XYLT1: variants seen among roughly 807,000 people sequenced by gnomAD.
The protein encoded by XYLT1 is beta-D-xylosyltransferase 1.
XYLT1 carries 36 observed loss-of-function variants against 91.3 expected under a neutral mutation model. The ratio of observed to expected loss-of-function variants is 0.39; its 90% CI spans 0.30 to 0.52. XYLT1 has a LOEUF of 0.52. Among genes scored for constraint, XYLT1 ranks in the 20% least tolerant of loss-of-function variants. The pLI is 0.68. For synonymous variants in XYLT1, 588 were observed against 532.0 expected (o/e 1.11, Z -1.45); for missense variants, 1,242 against 1,284.5 (o/e 0.97, Z 0.51).
chr16:17,149,518 A>G (rs150600064), intron 6 of XYLT1, among the ~76,000 whole-genome samples: 7 of 152,340 alleles, frequency 4.6e-5, no homozygotes, highest in Admixed American at 2.6e-4. Flanking sequence ...CTCCTTCAGC[A>G]TAAGTACAAC....
chr16:17,313,717 A>G (rs1304802070), intron 2 of XYLT1, among the ~76,000 whole-genome samples: 2 of 151,724 alleles, frequency 1.3e-5, no homozygotes, highest in Admixed American at 6.6e-5. Flanking sequence ...ATAGGAATCC[A>G]TGATAGCATT....
intron 11 of XYLT1, among the ~76,000 whole-genome samples, chr16:17,111,396 T>C (rs956899400): frequency 2.0e-5 from 3 of 152,178 alleles, no homozygotes; most frequent in African/African-American, 4.8e-5. Context: ...GAAGCACATA[T>C]ATATTTTTAA....
intron 10 of XYLT1, among the ~76,000 whole-genome samples, chr16:17,122,303 G>A (rs2030091074): frequency 6.6e-6 from 1 of 152,186 alleles, no homozygotes; most frequent in African/African-American, 2.4e-5. Context: ...CAGGAGTAAG[G>A]TGGTATTGCA....
intron 1 of XYLT1, among the ~76,000 whole-genome samples, chr16:17,428,861 G>A (rs534040309): frequency 1.3e-5 from 2 of 152,258 alleles, no homozygotes; most frequent in African/African-American, 4.8e-5. Context: ...CCTTTACTCT[G>A]GTCCCTGCTG....
intron 1 of XYLT1, among the ~76,000 whole-genome samples, chr16:17,465,499 CT>C (rs903912562): frequency 1.4e-5 from 2 of 138,458 alleles, no homozygotes; most frequent in Non-Finnish European, 3.1e-5. Flanking sequence ...TTAGTTTTAA[CT>C]TTTTATCAGT....
At position 17,253,301 on chromosome 16, in the gene XYLT1, G is replaced by C. The variant is rs76426984; in HGVS notation, c.913+5687C>G. Among the ~76,000 whole-genome samples, 1,166 of 152,280 alleles carry C rather than the reference G, an allele frequency of 7.7e-3. 14 individuals carry two copies. The highest frequency in any genetic ancestry group is 0.011 in the Non-Finnish European group (719 of 68,022). ...TGGTGTAGCAAATTAAAGCGTCGCT[G>C]AGGCTGGGTGTGCAATGGCTTTTAA... On this transcript the variant is annotated intron_variant, in intron 3 of 11. Transcript: ENST00000261381.
intron 1 of XYLT1, among the ~76,000 whole-genome samples, chr16:17,462,531 C>T (rs562089507): frequency 6.6e-6 from 1 of 152,138 alleles, no homozygotes; most frequent in Admixed American, 6.5e-5. Flanking sequence ...CTGTTGCAGG[C>T]GGAAGGAAGT....
chr16:17,122,773 A>C (rs1317707838), intron 10 of XYLT1, among the ~76,000 whole-genome samples: 1 of 152,204 alleles, frequency 6.6e-6, no homozygotes, highest in Non-Finnish European at 1.5e-5. Context: ...AAGGTGAGAG[A>C]TGAGGATTCG....
At chr16:17,222,789 C>CAAA (rs11358476) in intron 3 of XYLT1, among the ~76,000 whole-genome samples, 27 of 71,144 alleles carry the variant, frequency 3.8e-4, no homozygotes, top group South Asian at 1.0e-3. Flanking sequence ...AACTCTGTCT[C>CAAA]AAAAAAAAAA....
In XYLT1 at chr16:17,133,330, C is replaced by A. The variant is rs189079283; in HGVS notation, c.2027+1143G>T. On this transcript the variant is annotated intron_variant, in intron 9 of 11. Coordinates refer to ENST00000261381, the MANE Select transcript of XYLT1 (RefSeq NM_022166.4). ...AAAAGATGCTATGTTGTTAAATGAA[C>A]AAGAAAAAGAAGGAGAGTGATTAGA... Among the ~76,000 whole-genome samples the A allele has an allele frequency of 2.3e-3, 353 of 151,508 alleles. 3 individuals carry two copies. The highest frequency in any genetic ancestry group is 0.022 in the Admixed American group (329 of 15,212).
chr16:17,185,766 T>A (rs989158788), intron 5 of XYLT1, among the ~76,000 whole-genome samples: 1 of 152,080 alleles, frequency 6.6e-6, no homozygotes, highest in Non-Finnish European at 1.5e-5. Flanking sequence ...TTTGGGAGGC[T>A]GAGGTGCGCA....
At chr16:17,304,679 T>G (rs1381962326) in intron 2 of XYLT1, among the ~76,000 whole-genome samples, 4 of 151,966 alleles carry the variant, frequency 2.6e-5, no homozygotes, top group Non-Finnish European at 5.9e-5. Flanking sequence ...CAAAAAGTCA[T>G]GGGAACCAAA....
chr16:17,459,258 C>A (rs2036784035), intron 1 of XYLT1, among the ~76,000 whole-genome samples: 2 of 151,940 alleles, frequency 1.3e-5, no homozygotes, highest in Admixed American at 1.3e-4. Context: ...TGTAGTCCCA[C>A]CTACTCAGGG....
intron 11 of XYLT1, among the ~76,000 whole-genome samples, chr16:17,112,990 T>C (rs1597126911): frequency 6.6e-6 from 1 of 151,624 alleles, no homozygotes; most frequent in East Asian, 1.9e-4. Context: ...CAGGCACACG[T>C]CACCACACCC....
chr16:17,183,317 G>A (rs933525959), intron 5 of XYLT1, among the ~76,000 whole-genome samples: 8 of 152,264 alleles, frequency 5.3e-5, no homozygotes, highest in Middle Eastern at 3.4e-3. Flanking sequence ...CTCTTGATAC[G>A]TGGACAACTC....
At chr16:17,154,411 C>A (rs1251378142) in intron 6 of XYLT1, among the ~76,000 whole-genome samples, 7 of 152,192 alleles carry the variant, frequency 4.6e-5, no homozygotes, top group African/African-American at 1.7e-4. Flanking sequence ...CTCCGATTTT[C>A]ACTTTCCAGC....
rs189690520 is a variant in XYLT1, at chr16:17,293,371, T to A, written c.403-33873A>T. 5.7e-4 allele frequency among the ~76,000 whole-genome samples: 86 copies of A among 152,212 alleles called. 2 individuals are homozygous for A. In the East Asian group the frequency reaches 0.013, roughly 23 times the overall value. On this transcript the variant is annotated intron_variant, in intron 2 of 11. Coordinates refer to ENST00000261381, the MANE Select transcript of XYLT1 (RefSeq NM_022166.4). ...TGGAACTTCCACTTAGCATAGCCAC[T>A]GAAGTTCCCCAGGGACAGTGGTACC...
rs956942827 is a variant in XYLT1, at chr16:17,101,933, C to T, written c.*6762G>A. 1 of 152,208 alleles carries T rather than the reference C, an allele frequency of 6.6e-6. No individual in the cohort carries two copies. Among genetic ancestry groups the T allele is most frequent in the South Asian group, 2.1e-4 (1 of 4,828 alleles). 9.4% of individuals were successfully genotyped at this position (152,208 alleles called of 1,614,324 possible). On this transcript the variant is annotated 3_prime_UTR_variant, in exon 12 of 12. Transcript: ENST00000261381. The stretch of plus-strand genomic sequence containing the variant: ...AAAGAGGAAAGGAAAACACGTTTGC[C>T]AACCAACCAACCAGTTGGGTATAGG...
intron 2 of XYLT1, among the ~76,000 whole-genome samples, chr16:17,327,765 C>T (rs2034835280): frequency 6.6e-6 from 1 of 152,032 alleles, no homozygotes; most frequent in South Asian, 2.1e-4. Context: ...TTGGATTTCA[C>T]AGGCAAGTCT....
Sources: gnomAD v4.1 joint callset for allele counts (sites outside exome capture counted in the v4.1 genomes callset) on GRCh38, gnomAD v4.1.1 for gene constraint, MANE v1.5 for transcripts, NCBI Gene and HGNC (gene_info 2026-07-23, HGNC 2026-07-21) for gene names.